Variants in SCP2 observed in about 807,000 individuals in gnomAD.
The protein encoded by SCP2 is sterol carrier protein 2.
In SCP2, 48 loss-of-function variants were observed where a neutral mutation model predicts 71.4. That is an observed-to-expected ratio of 0.67 (90% CI 0.53 to 0.86). SCP2 has a LOEUF of 0.86. Ranked by LOEUF, SCP2 falls within the 40% of genes least tolerant of loss-of-function variation. SCP2 has a pLI of 0.00. For synonymous variants in SCP2, 220 were observed against 218.1 expected (o/e 1.01, Z -0.08); for missense variants, 560 against 655.6 (o/e 0.85, Z 1.59).
At chr1:52,990,729 G>A (rs183359194) in intron 11 of SCP2, among the ~76,000 whole-genome samples, 41 of 79,438 alleles carry the variant, frequency 5.2e-4, no homozygotes, top group African/African-American at 8.5e-4. Context: ...GTGAGACTCC[G>A]TCTCAAAAAA....
intron 11 of SCP2, among the ~76,000 whole-genome samples, chr1:53,003,043 T>C (rs898857583): frequency 2.0e-5 from 3 of 152,152 alleles, no homozygotes; most frequent in African/African-American, 4.8e-5. Flanking sequence ...CCCATCCTTG[T>C]TTCCATTGCC....
intron 11 of SCP2, among the ~76,000 whole-genome samples, chr1:53,001,687 G>C (rs1286332012): frequency 6.6e-6 from 1 of 152,116 alleles, no homozygotes; most frequent in Non-Finnish European, 1.5e-5. Context: ...CTGTTCTTCA[G>C]TGTCCTTTCC....
At chr1:52,945,547 A>G (rs1286577958) in intron 2 of SCP2, among the ~76,000 whole-genome samples, 2 of 152,078 alleles carry the variant, frequency 1.3e-5, no homozygotes, top group Non-Finnish European at 2.9e-5. Context: ...TACTAAAAAT[A>G]CAAAAAGTTA....
At chr1:52,936,439 A>G (rs552814254) in intron 1 of SCP2, among the ~76,000 whole-genome samples, 33 of 152,150 alleles carry the variant, frequency 2.2e-4, no homozygotes, top group Non-Finnish European at 4.6e-4. Flanking sequence ...ATACACTACC[A>G]CCTATAGTTT....
At chr1:52,929,875 G>A (rs533759359) in intron 1 of SCP2, among the ~76,000 whole-genome samples, 2 of 152,200 alleles carry the variant, frequency 1.3e-5, no homozygotes, top group South Asian at 2.1e-4. Context: ...CACCCGCCTC[G>A]GACTCCCAAA....
chr1:53,045,321 C>T (rs886321051), intron 14 of SCP2, among the ~76,000 whole-genome samples: 1 of 152,158 alleles, frequency 6.6e-6, no homozygotes, highest in Non-Finnish European at 1.5e-5. Context: ...AGAACAATAA[C>T]ATTTACTCTT....
intron 11 of SCP2, among the ~76,000 whole-genome samples, chr1:53,004,858 G>A (rs909509967): frequency 1.6e-4 from 25 of 152,148 alleles, no homozygotes; most frequent in African/African-American, 5.8e-4. Context: ...AGAGGTTGGG[G>A]AATTCCCTTT....
At chr1:53,022,324 T>C (rs1661807944) in intron 12 of SCP2, among the ~76,000 whole-genome samples, 1 of 152,240 alleles carries the variant, frequency 6.6e-6, no homozygotes, top group Admixed American at 6.5e-5. Flanking sequence ...TTTATATGGC[T>C]GAAGGTTCCC....
rs1398743905 is a variant in SCP2 at position 52,948,050 on chromosome 1, G to A, written c.169G>A (p.Val57Met). The A allele has an allele frequency of 6.2e-7, 1 of 1,613,360 alleles. No homozygotes were observed. The highest frequency in any genetic ancestry group is 1.1e-5 in the South Asian group (1 of 91,064). The change falls in exon 3 of 16, where the codon GTG becomes ATG. Residue 57 changes from valine to methionine, a missense_variant. Coordinates refer to ENST00000371514, the MANE Select transcript of SCP2 (RefSeq NM_002979.5). ...LADAQIPYSA[V>M]DQACVGYVFG... ...TGATGCACAGATCCCTTATTCAGCA[G>A]TGGACCAGGCATGTGTTGGCTATGT... is the stretch of plus-strand genomic sequence containing the variant.
intron 2 of SCP2, among the ~76,000 whole-genome samples, 174 bp downstream of exon 2, chr1:52,942,027 G>A (rs1293690621): frequency 6.6e-6 from 1 of 152,208 alleles, no homozygotes; most frequent in Non-Finnish European, 1.5e-5. Context: ...GGCATTCTTA[G>A]CAGCTACATA....
intron 13 of SCP2, among the ~76,000 whole-genome samples, chr1:53,029,613 A>G (rs553745106): frequency 3.5e-4 from 54 of 152,362 alleles, no homozygotes; most frequent in African/African-American, 1.2e-3. Flanking sequence ...CATAACCCTT[A>G]TTGTAGGCCA....
intron 13 of SCP2, among the ~76,000 whole-genome samples, chr1:53,034,485 G>C (rs760369087): frequency 6.6e-6 from 1 of 152,150 alleles, no homozygotes; most frequent in Non-Finnish European, 1.5e-5. Flanking sequence ...TAATGGGTAT[G>C]AGTTTCTTTT....
chr1:53,047,936 C>G lies in SCP2; in HGVS notation c.1547C>G (p.Ser516Trp), dbSNP rs143184935. 4 of 1,606,002 alleles carry G rather than the reference C, an allele frequency of 2.5e-6. No homozygotes were observed. The highest frequency in any genetic ancestry group is 3.4e-6 in the Non-Finnish European group (4 of 1,172,712). ...ATGACTGGTAAAATGAATCCTCAGT[C>G]GGTAAGTATGATGGAGCTTATATCC... is the stretch of plus-strand genomic sequence containing the variant. ...ALMTGKMNPQ[S>W]AFFQGKLKIT... is the part of the protein sequence containing the mutation. Residue 516 changes from serine to tryptophan, a missense_variant and splice_region_variant, in exon 15 of 16, where the codon TCG becomes TGG. By Grantham distance (177) the Ser-to-Trp change is radical (BLOSUM62 -3). This residue lies in a region of SCP2 where 43 missense variants were observed against 65.9 expected (regional missense o/e 0.65). Coordinates refer to ENST00000371514, the MANE Select transcript of SCP2 (RefSeq NM_002979.5).
intron 11 of SCP2, among the ~76,000 whole-genome samples, chr1:53,009,686 C>T (rs529941569): frequency 6.6e-6 from 1 of 152,192 alleles, no homozygotes; most frequent in South Asian, 2.1e-4. Flanking sequence ...AGAAGAAAAC[C>T]TAGGCAATAC....
At chr1:53,000,444 C>T (rs1660241216) in intron 11 of SCP2, among the ~76,000 whole-genome samples, 1 of 151,950 alleles carries the variant, frequency 6.6e-6, no homozygotes, top group South Asian at 2.1e-4. Context: ...TTAGTTTGGC[C>T]TTTTGTCGTA....
At chr1:52,993,709 A>G in intron 11 of SCP2, 1 of 1,611,482 alleles carries the variant, frequency 6.2e-7, no homozygotes. Context: ...AGGACTCCCA[A>G]CTTAGGAAAC....
intron 4 of SCP2, among the ~76,000 whole-genome samples, chr1:52,951,458 C>CTGAATGAGGTGG (rs1161034614): frequency 2.0e-5 from 3 of 149,842 alleles, no homozygotes; most frequent in Non-Finnish European, 4.5e-5. Context: ...AAAAAATTAG[C>CTGAATGAGGTGG]CAGGCGTGGT....
chr1:52,964,324 C>T (rs1159839930), intron 6 of SCP2, among the ~76,000 whole-genome samples: 1 of 151,096 alleles, frequency 6.6e-6, no homozygotes, highest in Non-Finnish European at 1.5e-5. Context: ...GCCTCAGCCT[C>T]CCGAGTAGCT....
intron 3 of SCP2, among the ~76,000 whole-genome samples, chr1:52,949,627 T>C (rs150505232): frequency 0.044 from 6,724 of 152,188 alleles, 453 homozygotes; most frequent in East Asian, 0.34. Flanking sequence ...TTAGAACTTT[T>C]TAAAAGAGGC....
Sources: gnomAD v4.1 joint callset for allele counts (sites outside exome capture counted in the v4.1 genomes callset) on GRCh38, gnomAD v4.1.1 for gene constraint, gnomAD v4.1.1 regional missense constraint, MANE v1.5 for transcripts, NCBI Gene and HGNC (gene_info 2026-07-23, HGNC 2026-07-21) for gene names.